GIPC2: variants seen among roughly 807,000 people sequenced by gnomAD.
The protein encoded by GIPC2 is PDZ domain-containing protein GIPC2.
A neutral mutation model predicts 30.6 loss-of-function variants in GIPC2; 30 were observed. The ratio of observed to expected loss-of-function variants is 0.98; its 90% CI spans 0.73 to 1.33. GIPC2 has a LOEUF of 1.33. Among genes scored for constraint, GIPC2 ranks in the 40% most tolerant of loss-of-function variants. The pLI is 0.00. For synonymous variants in GIPC2, 167 were observed against 150.0 expected (o/e 1.11, Z -0.83); for missense variants, 414 against 390.3 (o/e 1.06, Z -0.51).
chr1:78,045,134 TTAAGA>T (rs1259359174), upstream of GIPC2: 1 of 903,386 alleles, frequency 1.1e-6, no homozygotes, highest in East Asian at 1.2e-4. Flanking sequence ...TATTTGGTAA[TTAAGA>T]TATGATAGTG....
At chr1:78,049,365 A>AGGCT (rs1423955336) in intron 1 of GIPC2, among the ~76,000 whole-genome samples, 10 of 152,194 alleles carry the variant, frequency 6.6e-5, no homozygotes, top group Non-Finnish European at 1.5e-4. Context: ...CATGTTGGCC[A>AGGCT]GGCTGGTCTT....
intron 3 of GIPC2, among the ~76,000 whole-genome samples, chr1:78,102,743 C>T (rs1470583050): frequency 1.3e-5 from 2 of 152,136 alleles, no homozygotes; most frequent in African/African-American, 4.8e-5. Flanking sequence ...AGAGCAGTCC[C>T]TGGTATATAG....
intron 1 of GIPC2, among the ~76,000 whole-genome samples, chr1:78,055,794 G>A (rs1228621240): frequency 6.6e-6 from 1 of 152,190 alleles, no homozygotes; most frequent in Non-Finnish European, 1.5e-5. Flanking sequence ...GTGGTACAGA[G>A]GTAGGTGAGC....
chr1:78,066,402 G>T (rs1298115169), intron 1 of GIPC2, among the ~76,000 whole-genome samples: 1 of 152,194 alleles, frequency 6.6e-6, no homozygotes, highest in African/African-American at 2.4e-5. Flanking sequence ...TGGTAAGATT[G>T]CAGAGAAAAA....
At chr1:78,085,758 G>A (rs1661916718) in intron 2 of GIPC2, among the ~76,000 whole-genome samples, 1 of 151,698 alleles carries the variant, frequency 6.6e-6, no homozygotes, top group African/African-American at 2.4e-5. Flanking sequence ...TGGGGTCAGT[G>A]GTTACATTGT....
intron 3 of GIPC2, among the ~76,000 whole-genome samples, chr1:78,104,196 G>C (rs1662302131): frequency 6.6e-6 from 1 of 151,376 alleles, no homozygotes; most frequent in Non-Finnish European, 1.5e-5. Flanking sequence ...GGGGCCGGGG[G>C]TGGTGCTCAA....
At chr1:78,071,718 C>T (rs866924715) in intron 1 of GIPC2, among the ~76,000 whole-genome samples, 1 of 152,000 alleles carries the variant, frequency 6.6e-6, no homozygotes, top group Non-Finnish European at 1.5e-5. Flanking sequence ...TGCTGTCACG[C>T]CTGTCTTCTA....
intron 1 of GIPC2, among the ~76,000 whole-genome samples, chr1:78,072,128 AT>A (rs144229408): frequency 0.034 from 5,104 of 152,324 alleles, 186 homozygotes; most frequent in African/African-American, 0.098. Context: ...CTATAAAAAA[AT>A]GGTATTATGA....
chr1:78,133,453 A>C (rs1291129052), intron 5 of GIPC2, among the ~76,000 whole-genome samples: 1 of 152,188 alleles, frequency 6.6e-6, no homozygotes, highest in East Asian at 1.9e-4. Context: ...TTTAAGCATG[A>C]AAAACACTGG....
At chr1:78,091,028 C>G (rs1165038039) in intron 2 of GIPC2, among the ~76,000 whole-genome samples, 1 of 152,128 alleles carries the variant, frequency 6.6e-6, no homozygotes, top group Non-Finnish European at 1.5e-5. Flanking sequence ...ACATTTATAA[C>G]CCAAAACTTT....
In GIPC2 at chr1:78,069,764, G is replaced by A. The variant is rs373382442; in HGVS notation, c.241-10911G>A. On this transcript the variant is annotated intron_variant, in intron 1 of 5. Transcript: ENST00000370759. ...GCTGGGATTACAGGCATGAGCCACC[G>A]CACCTGACCCCTGTAGTACATTTTT... 7.1e-4 allele frequency among the ~76,000 whole-genome samples: 108 copies of A among 152,152 alleles called. 3 individuals carry two copies. In the South Asian group the frequency reaches 0.022, roughly 31 times the overall value.
At chr1:78,106,939 G>A (rs1013114635) in intron 3 of GIPC2, among the ~76,000 whole-genome samples, 51 of 152,208 alleles carry the variant, frequency 3.4e-4, no homozygotes, top group Admixed American at 1.4e-3. Context: ...GCCTCCCAAG[G>A]TGCTGGGATT....
chr1:78,121,267 C>G (rs1374337538), intron 4 of GIPC2, among the ~76,000 whole-genome samples: 1 of 152,138 alleles, frequency 6.6e-6, no homozygotes, highest in Non-Finnish European at 1.5e-5. Context: ...GGGGTCAAAG[C>G]CCTCCCGTGG....
At chr1:78,132,615 A>T (rs989683159) in intron 5 of GIPC2, among the ~76,000 whole-genome samples, 2 of 144,394 alleles carry the variant, frequency 1.4e-5, no homozygotes, top group South Asian at 2.1e-4. Context: ...CTGAGGTATA[A>T]AAAAAAAATC....
rs369892829 is a variant in GIPC2 at position 78,130,121 on chromosome 1, T to TTTTTTTTTTTTTC, written c.796+4159_796+4160insTTTTTTTTTTTTC. Among the ~76,000 whole-genome samples the TTTTTTTTTTTTTC allele has an allele frequency of 1.4e-5, 2 of 146,744 alleles. 1 individual carries two copies. The highest frequency in any genetic ancestry group is 3.0e-5 in the Non-Finnish European group (2 of 66,836). On this transcript the variant is annotated intron_variant, in intron 5 of 5. Coordinates refer to ENST00000370759, the MANE Select transcript of GIPC2 (RefSeq NM_017655.6). ...TAGGATCACTTTTTTTTTTTTTTTT[T>TTTTTTTTTTTTTC]CAGACAGAGTCTTGCTCTGTCACCC...
chr1:78,128,285 GCCTC>G (rs142084897), intron 5 of GIPC2, among the ~76,000 whole-genome samples: 4,027 of 152,138 alleles, frequency 0.026, 146 homozygotes, highest in African/African-American at 0.093. Flanking sequence ...TCTTGCCTTG[GCCTC>G]CCAAAGTGTT....
rs144747954 is a variant in GIPC2 at position 78,124,254 on chromosome 1, T to C, written c.715-1627T>C. ...ATATTTTTACTGAAATGTTTAGTAA[T>C]CATTTCGGGAAGAACAAAAATGTTT... On this transcript the variant is annotated intron_variant, in intron 4 of 5. Coordinates refer to ENST00000370759, the MANE Select transcript of GIPC2 (RefSeq NM_017655.6). 9.6e-3 allele frequency among the ~76,000 whole-genome samples: 1,463 copies of C among 152,266 alleles called. 9 individuals are homozygous for C. Among genetic ancestry groups the C allele is most frequent in the Middle Eastern group, 0.034 (10 of 294 alleles).
chr1:78,122,658 A>G lies in GIPC2; in HGVS notation c.714+3159A>G, dbSNP rs371175175. 3.6e-4 allele frequency among the ~76,000 whole-genome samples: 55 copies of G among 152,338 alleles called. 1 individual carries two copies. The South Asian group carries it at 0.011, about 32-fold the overall frequency. On this transcript the variant is annotated intron_variant, in intron 4 of 5. Coordinates refer to ENST00000370759, the MANE Select transcript of GIPC2 (RefSeq NM_017655.6). The stretch of plus-strand genomic sequence containing the variant: ...CCTCATGATGCAATCACCTCCCACC[A>G]GGTCCCTCCCTTGACACGTGGGGAT...
chr1:78,136,018 C>A lies in GIPC2; in HGVS notation c.*275C>A. 4.2e-6 allele frequency: 1 copy of A among 237,468 alleles called. No individual in the cohort carries two copies. The highest frequency in any genetic ancestry group is 7.9e-6 in the Non-Finnish European group (1 of 125,790). The allele number at this position is 237,468 out of a possible 1,614,324, so 14.7% of individuals were successfully genotyped here. On this transcript the variant is annotated 3_prime_UTR_variant, in exon 6 of 6. Transcript: ENST00000370759. Reference sequence around the variant, plus strand: ...AAAGTAAGTTTTAAGGAGTATTTCTCGACAGATGATTTTCTTCTCCATTAA... The same window carrying A: ...AAAGTAAGTTTTAAGGAGTATTTCTAGACAGATGATTTTCTTCTCCATTAA...
Sources: gnomAD v4.1 joint callset for allele counts (sites outside exome capture counted in the v4.1 genomes callset) on GRCh38, gnomAD v4.1.1 for gene constraint, MANE v1.5 for transcripts, NCBI Gene and HGNC (gene_info 2026-07-23, HGNC 2026-07-21) for gene names.